ADD1: variants seen among roughly 807,000 people sequenced by gnomAD.
The protein encoded by ADD1 is alpha-adducin.
In ADD1, 24 loss-of-function variants were observed where a neutral mutation model predicts 80.5. The observed-to-expected ratio is 0.30, with a 90% confidence interval of 0.22 to 0.42. The LOEUF is 0.42. ADD1 is among the 10% of genes least tolerant of loss of function. The pLI, the probability that ADD1 is intolerant of heterozygous loss-of-function variation, is 1.00. For missense variants in ADD1, 948 were observed against 1,019.0 expected (o/e 0.93, Z 0.95); for synonymous variants, 373 against 393.8 (o/e 0.95, Z 0.63).
intron 1 of ADD1, among the ~76,000 whole-genome samples, chr4:2,859,106 C>T (rs1034374657): frequency 6.6e-6 from 1 of 152,084 alleles, no homozygotes; most frequent in African/African-American, 2.4e-5. Flanking sequence ...GGAAAACATA[C>T]CATTCATCAA....
intron 6 of ADD1, among the ~76,000 whole-genome samples, chr4:2,896,643 AT>A (rs138216964): frequency 4.7e-5 from 7 of 150,426 alleles, no homozygotes; most frequent in African/African-American, 4.9e-5. Flanking sequence ...GAATGATGTG[AT>A]TTTTTTTTTC....
intron 14 of ADD1, among the ~76,000 whole-genome samples, chr4:2,924,946 C>T (rs1740718269): frequency 6.6e-6 from 1 of 152,190 alleles, no homozygotes; most frequent in Non-Finnish European, 1.5e-5. Context: ...AAAAACAAGT[C>T]AAACAAGATA....
chr4:2,844,925 G>GTTTTC (rs1441382140), intron 1 of ADD1: 1 of 152,204 alleles, frequency 6.6e-6, no homozygotes, highest in Non-Finnish European at 1.5e-5. Context: ...CTGTGTCTAT[G>GTTTTC]AGTAGAGGCG....
intron 1 of ADD1, among the ~76,000 whole-genome samples, chr4:2,862,591 G>A (rs1044679651): frequency 5.3e-5 from 8 of 152,092 alleles, no homozygotes; most frequent in Admixed American, 2.6e-4. Context: ...CTGGCCTAGT[G>A]CTCTCACCAC....
chr4:2,908,933 G>T, intron 12 of ADD1: 1 of 452,250 alleles, frequency 2.2e-6, no homozygotes, highest in Non-Finnish European at 4.0e-6. Flanking sequence ...GAGAGGGTGG[G>T]TTTAGGGACT....
intron 1 of ADD1, among the ~76,000 whole-genome samples, chr4:2,857,106 G>GT (rs1157186025): frequency 6.6e-6 from 1 of 151,256 alleles, no homozygotes; most frequent in Non-Finnish European, 1.5e-5. Flanking sequence ...TAGAGACAGG[G>GT]TTTCACCATG....
chr4:2,924,344 T>C (rs1740602516), intron 14 of ADD1, among the ~76,000 whole-genome samples: 1 of 152,156 alleles, frequency 6.6e-6, no homozygotes, highest in African/African-American at 2.4e-5. Flanking sequence ...TCCCCCAAGC[T>C]CCCTGCTGCC....
At chr4:2,891,821 C>T (rs915433263) in intron 4 of ADD1, among the ~76,000 whole-genome samples, 8 of 152,130 alleles carry the variant, frequency 5.3e-5, no homozygotes, top group African/African-American at 1.9e-4. Context: ...TCTACAGAGA[C>T]AATCAGGTGA....
intron 3 of ADD1, among the ~76,000 whole-genome samples, 191 bp downstream of exon 3, chr4:2,882,251 AC>A (rs1309044967): frequency 2.0e-5 from 3 of 151,906 alleles, no homozygotes; most frequent in African/African-American, 7.3e-5. Context: ...AATGTTGCAG[AC>A]TCCTCTTTTC....
At chr4:2,917,019 A>G (rs571669032) in intron 14 of ADD1, among the ~76,000 whole-genome samples, 7 of 152,294 alleles carry the variant, frequency 4.6e-5, no homozygotes, top group Non-Finnish European at 2.9e-5. Flanking sequence ...TCTTTATCAT[A>G]GAATGTTTAT....
intron 14 of ADD1, among the ~76,000 whole-genome samples, chr4:2,916,721 TC>T (rs746924403): frequency 3.3e-5 from 5 of 152,306 alleles, no homozygotes; most frequent in East Asian, 3.9e-4. Context: ...GTGTGTGATG[TC>T]CCCTTCCCTG....
At chr4:2,908,875 G>A in intron 12 of ADD1, 1 of 516,286 alleles carries the variant, frequency 1.9e-6, no homozygotes, top group Non-Finnish European at 3.5e-6. Context: ...ACCAGCTTTG[G>A]GGCTCAGATT....
At chr4:2,856,754 C>A (rs923758759) in intron 1 of ADD1, among the ~76,000 whole-genome samples, 12 of 150,838 alleles carry the variant, frequency 8.0e-5, no homozygotes, top group African/African-American at 2.9e-4. Flanking sequence ...CCATATCTGG[C>A]TAATTTTTGT....
At chr4:2,885,858 C>T (rs1265234904) in intron 4 of ADD1, among the ~76,000 whole-genome samples, 3 of 152,148 alleles carry the variant, frequency 2.0e-5, no homozygotes, top group Non-Finnish European at 4.4e-5. Flanking sequence ...GATCCGCCCG[C>T]CTTGGCCTCC....
Position 2,916,162 on chromosome 4 carries a change from A to ATAT in ADD1, c.1948+1169_1948+1171dup, listed in dbSNP as rs71662749. Among the ~76,000 whole-genome samples, 665 of 141,046 alleles carry ATAT rather than the reference A, an allele frequency of 4.7e-3. 5 individuals are homozygous for ATAT. The highest frequency in any genetic ancestry group is 0.018 in the East Asian group (84 of 4,732). 92.5% of individuals were successfully genotyped at this position (141,046 alleles called of 152,430 possible). On this transcript the variant is annotated intron_variant, in intron 14 of 15. Coordinates refer to ENST00000683351, the MANE Select transcript of ADD1 (RefSeq NM_001354761.2). ...TCAGTTAGTGGGAAAGCCAGCATGC[A>ATAT]TATTATTATTATTATTATTATTATT...
rs1188985469 is a variant in ADD1, at chr4:2,894,489, C to T, written c.592-93C>T. 15 of 1,211,974 alleles carry T rather than the reference C, an allele frequency of 1.2e-5. No homozygotes were observed. In the East Asian group the frequency reaches 1.4e-4, roughly 11 times the overall value. The allele number at this position is 1,211,974 out of a possible 1,614,324, so 75.1% of individuals were successfully genotyped here. A position where few individuals can be genotyped will look rare whatever the true frequency, so the allele number is the denominator to read the frequency against. ...TCGCACCACTGCACTCCAGCCTGGGCGACAGAGCCAGACCCTATCAAAAAA... is the reference window on the plus strand; with the variant it reads ...TCGCACCACTGCACTCCAGCCTGGGTGACAGAGCCAGACCCTATCAAAAAA... On this transcript the variant is annotated intron_variant, in intron 5 of 15. Coordinates refer to ENST00000683351, the MANE Select transcript of ADD1 (RefSeq NM_001354761.2).
chr4:2,922,489 C>T (rs1353302533), intron 14 of ADD1, among the ~76,000 whole-genome samples: 2 of 152,230 alleles, frequency 1.3e-5, no homozygotes, highest in Non-Finnish European at 2.9e-5. Flanking sequence ...GCAAAGATCG[C>T]TGCCTGTTCC....
chr4:2,904,445 C>G (rs1325441666), intron 9 of ADD1, among the ~76,000 whole-genome samples: 1 of 152,222 alleles, frequency 6.6e-6, no homozygotes, highest in Non-Finnish European at 1.5e-5. Context: ...GGAGAGTCAT[C>G]CACGTGGTTG....
At chr4:2,879,861 C>T (rs1731956948) in intron 2 of ADD1, among the ~76,000 whole-genome samples, 1 of 152,128 alleles carries the variant, frequency 6.6e-6, no homozygotes, top group Non-Finnish European at 1.5e-5. Context: ...ATTACAGGCA[C>T]AAGCTTCCAT....
Sources: gnomAD v4.1 joint callset for allele counts (sites outside exome capture counted in the v4.1 genomes callset) on GRCh38, gnomAD v4.1.1 for gene constraint, MANE v1.5 for transcripts, NCBI Gene and HGNC (gene_info 2026-07-23, HGNC 2026-07-21) for gene names.